The following ADAMTSL4 variants were observed in gnomAD, a reference collection of about 807,000 sequenced individuals.
ADAMTSL4 encodes ADAMTS-like protein 4.
In ADAMTSL4, 97 loss-of-function variants were observed where a neutral mutation model predicts 122.8. The observed-to-expected ratio is 0.79, with a 90% CI of 0.67 to 0.93. The LOEUF is 0.93. Ranked by LOEUF, ADAMTSL4 falls within the 40% of genes least tolerant of loss-of-function variation. The pLI is 0.00. For synonymous variants in ADAMTSL4, 592 were observed against 568.0 expected, an observed-to-expected ratio of 1.04 and a Z score of -0.60; for missense variants, 1,408 against 1,453.5, an observed-to-expected ratio of 0.97 and a Z score of 0.51.
intron 2 of ADAMTSL4, chr1:150,550,252 C>T (rs1671255914): frequency 2.2e-6 from 1 of 456,192 alleles, no homozygotes; most frequent in East Asian, 7.0e-5. Flanking sequence ...CCGGGAACGA[C>T]ACCAAATGAG....
chr1:150,553,427 T>C lies in ADAMTSL4; in HGVS notation c.436T>C (p.Ser146Pro). The C allele has an allele frequency of 1.9e-6, 3 of 1,613,594 alleles. No individual in the cohort carries two copies. The highest frequency in any genetic ancestry group is 2.5e-6 in the Non-Finnish European group (3 of 1,179,900). ...CCCACATCTGAAACACCTTCTCAGG[T>C]CCCGGCTTCGAGACCCCATCAAGCC... The part of the protein sequence containing the change: ...ETQEIRAARR[S>P]RLRDPIKPGM... Residue 146 changes from serine (S) to proline (P), a missense_variant and splice_region_variant, in exon 6 of 19, where the codon TCC (serine) becomes CCC (proline). Physicochemically the swap from Ser to Pro is moderately conservative, Grantham distance 74 (BLOSUM62 -1). Coordinates refer to ENST00000271643, the MANE Select transcript of ADAMTSL4 (RefSeq NM_019032.6).
In ADAMTSL4 at chr1:150,556,651, T is replaced by A. The variant is rs1472756047; in HGVS notation, c.1607T>A (p.Ile536Asn). The change falls in exon 10 of 19, where the codon ATC becomes AAC. Residue 536 changes from isoleucine to asparagine, a missense_variant. Coordinates refer to ENST00000271643, the MANE Select transcript of ADAMTSL4 (RefSeq NM_019032.6). The surrounding 1 kb of genome is among the most constrained non-coding windows in gnomAD (Gnocchi z 4.1). ...ALRGPGGRSIINGNWAVDPPG... is the reference protein window; with the variant it reads ...ALRGPGGRSINNGNWAVDPPG... ...CGTGGCCCTGGGGGCCGGTCCATCATCAATGGGAACTGGGCTGTGGATCCC... is the reference window on the plus strand; with the variant it reads ...CGTGGCCCTGGGGGCCGGTCCATCAACAATGGGAACTGGGCTGTGGATCCC... The A allele has an allele frequency of 1.9e-6, 3 of 1,613,876 alleles. No individual in the cohort carries two copies. Among genetic ancestry groups the A allele is most frequent in the East Asian group, 2.2e-5 (1 of 44,870 alleles).
chr1:150,559,027 C>T lies in ADAMTSL4; in HGVS notation c.2625C>T (p.Ala875=), dbSNP rs778403669. 83 of 1,612,010 alleles carry T rather than the reference C, an allele frequency of 5.1e-5. 2 individuals are homozygous for T. In the South Asian group the frequency reaches 7.9e-4, roughly 15 times the overall value. Reference sequence around the variant, plus strand: ...TGGTCTGCCTTGGGAGTGGGGCAGCCCTCGGGCCAGGCCAGGGGGAAGCAG... The same window carrying T: ...TGGTCTGCCTTGGGAGTGGGGCAGCTCTCGGGCCAGGCCAGGGGGAAGCAG... The part of the protein sequence containing the change: ...RSVVCLGSGA[A]LGPGQGEAGA... The change falls in exon 16 of 19, where the codon GCC becomes GCT. Residue 875 remains alanine (A), a synonymous_variant. Transcript: ENST00000271643. The surrounding 1 kb of genome is among the most constrained non-coding windows in gnomAD (Gnocchi z 4.1).
intron 11 of ADAMTSL4, 34 bp from the exon 12 acceptor site, chr1:150,557,114 TGG>T (rs764132211): frequency 3.1e-6 from 5 of 1,612,938 alleles, no homozygotes; most frequent in Non-Finnish European, 3.4e-6. Context: ...CTCGGGGCAG[TGG>T]GGTGGCATCT....
In ADAMTSL4 at chr1:150,554,392, C is replaced by T. The variant is rs763308439; in HGVS notation, c.1159C>T (p.Arg387Trp). Residue 387 changes from arginine to tryptophan, a missense_variant, in exon 7 of 19, where the codon CGG (arginine) becomes TGG (tryptophan). Arg to Trp is a moderately radical substitution (Grantham distance 101). Coordinates refer to ENST00000271643, the MANE Select transcript of ADAMTSL4 (RefSeq NM_019032.6). This position sits in a 1 kb window ranked among gnomAD's most constrained non-coding sequence, Gnocchi z 4.0. The stretch of plus-strand genomic sequence containing the variant: ...CTGCCCCCCTGAGCAGCCAGACCCC[C>T]GGGCCCTGCAGTGCGCAGCCTTTAA... Reference protein sequence around the residue: ...APCPPEQPDPRALQCAAFNSQ... With the variant: ...APCPPEQPDPWALQCAAFNSQ... 28 of 1,613,682 alleles carry T rather than the reference C, an allele frequency of 1.7e-5. No individual in the cohort carries two copies. The highest frequency in any genetic ancestry group is 6.7e-5 in the African/African-American group (5 of 74,904).
At position 150,557,342 on chromosome 1, in the gene ADAMTSL4, C is replaced by T. The variant is rs780082853; in HGVS notation, c.2047+7C>T. ...TCAGCGTCCTGCGGGAAAGGTGAGACATCACAGTGCGTTCCCCGCATCTCG... is the reference window on the plus strand; with the variant it reads ...TCAGCGTCCTGCGGGAAAGGTGAGATATCACAGTGCGTTCCCCGCATCTCG... On this transcript the variant is annotated splice_region_variant and intron_variant, in intron 12 of 18. Transcript: ENST00000271643. 4 of 1,608,702 alleles carry T rather than the reference C, an allele frequency of 2.5e-6. No homozygotes were observed. The African/African-American group carries it at 4.0e-5, about 16-fold the overall frequency.
At position 150,559,544 on chromosome 1, in the gene ADAMTSL4, T is replaced by TC. The variant is rs1672572568; in HGVS notation, c.2943+80dup. On this transcript the variant is annotated intron_variant, in intron 17 of 18. Transcript: ENST00000271643. This position sits in a 1 kb window ranked among gnomAD's most constrained non-coding sequence, Gnocchi z 4.1. ...GGGGAGCTCCTCTCGCTGTACCCCC[T>TC]CCAGGTCTCTCTGTGCCCCAGAATA... 6.3e-7 allele frequency: 1 copy of TC among 1,592,292 alleles called. No homozygotes were observed. Among genetic ancestry groups the TC allele is most frequent in the Non-Finnish European group, 8.6e-7 (1 of 1,169,392 alleles).
Position 150,558,634 on chromosome 1 carries a change from C to T in ADAMTSL4, c.2544C>T (p.Ser848=), listed in dbSNP as rs201897896. 32 of 1,613,708 alleles carry T rather than the reference C, an allele frequency of 2.0e-5. No individual in the cohort carries two copies. Among genetic ancestry groups the T allele is most frequent in the Middle Eastern group, 3.3e-4 (2 of 6,084 alleles). The change falls in exon 15 of 19, where the codon AGC becomes AGT. Residue 848 remains serine, a synonymous_variant. Transcript: ENST00000271643. ...CCTGTACTACTGCCTGGTTCCACAG[C>T]GACTGGAGCTCCAAGGTGAGCCCGG... ...MGPCTTAWFH[S]DWSSKCSAEC...
chr1:150,560,435 A>G lies in ADAMTSL4; in HGVS notation c.*239A>G, dbSNP rs1672655135. On this transcript the variant is annotated 3_prime_UTR_variant, in exon 19 of 19. Coordinates refer to ENST00000271643, the MANE Select transcript of ADAMTSL4 (RefSeq NM_019032.6). ...GGTGTGCTTTTGGGACTGCATGGATATGTGTGTGCTCAAACGTGTATCACT... is the reference window on the plus strand; with the variant it reads ...GGTGTGCTTTTGGGACTGCATGGATGTGTGTGTGCTCAAACGTGTATCACT... 1.7e-6 allele frequency: 1 copy of G among 605,588 alleles called. No individual in the cohort carries two copies. The highest frequency in any genetic ancestry group is 2.0e-5 in the South Asian group (1 of 50,194). 37.5% of individuals were successfully genotyped at this position (605,588 alleles called of 1,614,324 possible).
rs1672516278 is a variant in ADAMTSL4 at position 150,559,040 on chromosome 1, CA to C, written c.2639del (p.Gln880ArgfsTer68). On this transcript the variant is annotated frameshift_variant, in exon 16 of 19. Coordinates refer to ENST00000271643, the MANE Select transcript of ADAMTSL4 (RefSeq NM_019032.6). LOFTEE classifies it high-confidence loss of function. This position sits in a 1 kb window ranked among gnomAD's most constrained non-coding sequence, Gnocchi z 4.1. The stretch of plus-strand genomic sequence containing the variant: ...GAGTGGGGCAGCCCTCGGGCCAGGC[CA>C]GGGGGAAGCAGGAGCAGGAACTGGG... Reference protein sequence around the residue: ...LGSGAALGPGQGEAGAGTGQS... With the variant: ...LGSGAALGPGXGEAGAGTGQS... 6.2e-7 allele frequency: 1 copy of C among 1,612,414 alleles called. No individual in the cohort carries two copies. Among genetic ancestry groups the C allele is most frequent in the Non-Finnish European group, 8.5e-7 (1 of 1,179,910 alleles).
chr1:150,552,700 C>T lies in ADAMTSL4; in HGVS notation c.78+100C>T. 1.4e-6 allele frequency: 2 copies of T among 1,469,098 alleles called. No individual in the cohort carries two copies. The highest frequency in any genetic ancestry group is 1.2e-5 in the South Asian group (1 of 83,858). The allele number at this position is 1,469,098 out of a possible 1,614,324, so 91.0% of individuals were successfully genotyped here. A position where few individuals can be genotyped will look rare whatever the true frequency, so the allele number is the denominator to read the frequency against. Reference sequence around the variant, plus strand: ...CTCCAGGCCACGCCTCCATTCCCCACAGCCCACCCACCTCCCCTGCCAACT... The same window carrying T: ...CTCCAGGCCACGCCTCCATTCCCCATAGCCCACCCACCTCCCCTGCCAACT... On this transcript the variant is annotated intron_variant, in intron 4 of 18. Coordinates refer to ENST00000271643, the MANE Select transcript of ADAMTSL4 (RefSeq NM_019032.6). This position sits in a 1 kb window ranked among gnomAD's most constrained non-coding sequence, Gnocchi z 4.0.
rs770043607 is a variant in ADAMTSL4 at position 150,560,211 on chromosome 1, A to G, written c.*15A>G. ...ATCCCTCCTGAAAGGGGTCCGGGGC[A>G]CCTTCACGGTTTTCTGTGCCACCAT... On this transcript the variant is annotated 3_prime_UTR_variant, in exon 19 of 19. Transcript: ENST00000271643. The G allele has an allele frequency of 6.2e-7, 1 of 1,613,454 alleles. No homozygotes were observed. Among genetic ancestry groups the G allele is most frequent in the South Asian group, 1.1e-5 (1 of 91,072 alleles).
Position 150,554,835 on chromosome 1 carries a change from G to T in ADAMTSL4, c.1234+368G>T. ...GGCACTGTCGTATCGGTTGCTCCCA[G>T]GTTACCATCCGCTTCATTTTAGGCC... On this transcript the variant is annotated intron_variant, in intron 7 of 18. Coordinates refer to ENST00000271643, the MANE Select transcript of ADAMTSL4 (RefSeq NM_019032.6). The surrounding 1 kb of genome is among the most constrained non-coding windows in gnomAD (Gnocchi z 4.0). The T allele has an allele frequency of 1.6e-6, 1 of 619,862 alleles. No individual in the cohort carries two copies. Among genetic ancestry groups the T allele is most frequent in the Non-Finnish European group, 2.8e-6 (1 of 356,660 alleles). 38.4% of individuals were successfully genotyped at this position (619,862 alleles called of 1,614,324 possible). A position where few individuals can be genotyped will look rare whatever the true frequency, so the allele number is the denominator to read the frequency against.
chr1:150,560,498 C>T lies in ADAMTSL4; in HGVS notation c.*302C>T, dbSNP rs1359828383. The T allele has an allele frequency of 2.2e-6, 1 of 459,632 alleles. No individual in the cohort carries two copies. Among genetic ancestry groups the T allele is most frequent in the Non-Finnish European group, 4.0e-6 (1 of 250,812 alleles). 28.5% of individuals were successfully genotyped at this position (459,632 alleles called of 1,614,324 possible). On this transcript the variant is annotated 3_prime_UTR_variant, in exon 19 of 19. Transcript: ENST00000271643. ...GTTACACAGACTGAGAAGGACAAGA[C>T]CTGTTTCCTTGAGACTTTCCTAGGT...
intron 15 of ADAMTSL4, 134 bp from the exon 16 acceptor site, chr1:150,558,828 T>A: frequency 6.5e-7 from 1 of 1,539,060 alleles, no homozygotes; most frequent in Non-Finnish European, 8.7e-7. Context: ...GGATTCCTCG[T>A]CCGGGCCTGG....
In ADAMTSL4 at chr1:150,553,959, C is replaced by A. The variant is rs1425492551; in HGVS notation, c.968C>A (p.Pro323His). ...GGGCCTTGGGGAACGGGGGGGACTC[C>A]TCACGGGCCCCGCCTGGAGCCTGAC... ...GQGPWGTGGT[P>H]HGPRLEPDPQ... The change falls in exon 6 of 19, where the codon CCT becomes CAT. Residue 323 changes from proline to histidine, a missense_variant. By Grantham distance (77) the Pro-to-His change is moderately conservative (BLOSUM62 -2). Transcript: ENST00000271643. 1 of 1,610,206 alleles carries A rather than the reference C, an allele frequency of 6.2e-7. No individual in the cohort carries two copies. The highest frequency in any genetic ancestry group is 8.5e-7 in the Non-Finnish European group (1 of 1,178,696).
In ADAMTSL4 at chr1:150,559,787, G is replaced by T. The variant is rs368789447; in HGVS notation, c.2970G>T (p.Thr990=). The T allele has an allele frequency of 6.2e-7, 1 of 1,613,988 alleles. No individual in the cohort carries two copies. Among genetic ancestry groups the T allele is most frequent in the African/African-American group, 1.3e-5 (1 of 75,034 alleles). ...GTTCTCGCTCCTGCCAAGGGGGAACGCAGACACGGGAGGTCCAGTGCCTGA... is the reference window on the plus strand; with the variant it reads ...GTTCTCGCTCCTGCCAAGGGGGAACTCAGACACGGGAGGTCCAGTGCCTGA... The part of the protein sequence containing the change: ...SPCSRSCQGG[T]QTREVQCLST... Residue 990 remains threonine, a synonymous_variant, in exon 18 of 19, where the codon ACG becomes ACT. Coordinates refer to ENST00000271643, the MANE Select transcript of ADAMTSL4 (RefSeq NM_019032.6). The surrounding 1 kb of genome is among the most constrained non-coding windows in gnomAD (Gnocchi z 4.1).
At chr1:150,555,744 C>T (rs897807505) in intron 8 of ADAMTSL4, among the ~76,000 whole-genome samples, 179 bp downstream of exon 8, 2 of 151,622 alleles carry the variant, frequency 1.3e-5, no homozygotes, top group Non-Finnish European at 2.9e-5. Flanking sequence ...CACACACACG[C>T]ATATGCACAC....
chr1:150,553,879 G>A lies in ADAMTSL4; in HGVS notation c.888G>A (p.Gly296=), dbSNP rs771518824. The change falls in exon 6 of 19, where the codon GGG becomes GGA. Residue 296 remains glycine, a synonymous_variant. Coordinates refer to ENST00000271643, the MANE Select transcript of ADAMTSL4 (RefSeq NM_019032.6). ...GTTGGGCCAGTCCCCAGGTAGCAGG[G>A]AGACGCCCTGATCCTTTTCCTTCGG... ...SQGWASPQVA[G]RRPDPFPSVP... The A allele has an allele frequency of 1.9e-6, 3 of 1,613,868 alleles. No individual in the cohort carries two copies. The highest frequency in any genetic ancestry group is 1.7e-6 in the Non-Finnish European group (2 of 1,180,002).
Sources: allele counts gnomAD v4.1 joint callset (sites outside exome capture counted in the v4.1 genomes callset), GRCh38; gene constraint gnomAD v4.1.1; non-coding constraint Gnocchi (gnomAD v3.1); transcripts MANE v1.5; gene names NCBI Gene and HGNC (gene_info 2026-07-23, HGNC 2026-07-21).